Variants in VPS37A observed in about 807,000 individuals in gnomAD.
VPS37A encodes the protein vacuolar protein sorting-associated protein 37A.
VPS37A carries 30 observed loss-of-function variants against 49.8 expected under a neutral mutation model. The observed-to-expected ratio is 0.60, with a 90% CI of 0.45 to 0.82. The LOEUF (loss-of-function observed/expected upper bound fraction) is 0.82. VPS37A is among the 40% of genes least tolerant of loss of function. The pLI, the probability that VPS37A is intolerant of heterozygous loss-of-function variation, is 0.00. For missense variants in VPS37A, 593 were observed against 464.4 expected (o/e 1.28, Z -2.55); for synonymous variants, 195 against 160.6 (o/e 1.21, Z -1.62).
At chr8:17,329,917 T>C in the VPS37A span, among the ~76,000 whole-genome samples, 1 of 152,136 alleles carries the variant, frequency 6.6e-6, no homozygotes, top group Non-Finnish European at 1.5e-5. Flanking sequence ...AAGATGGAAA[T>C]GGCTCTGGGG....
intron 6 of VPS37A, among the ~76,000 whole-genome samples, chr8:17,276,735 T>C (rs1231572617): frequency 6.6e-6 from 1 of 152,164 alleles, no homozygotes; most frequent in Non-Finnish European, 1.5e-5. Flanking sequence ...TCATGTGGCC[T>C]GCATTCTTTG....
downstream of VPS37A, among the ~76,000 whole-genome samples, chr8:17,307,038 T>A (rs988509462): frequency 6.6e-6 from 1 of 152,118 alleles, no homozygotes; most frequent in African/African-American, 2.4e-5. Flanking sequence ...AATTGACAGA[T>A]GGGATCTAAT....
chr8:17,309,022 A>G, the VPS37A span, among the ~76,000 whole-genome samples: 1 of 152,226 alleles, frequency 6.6e-6, no homozygotes, highest in South Asian at 2.1e-4. Context: ...GCTGATCCTC[A>G]CTAAGACAAT....
At chr8:17,307,407 A>C (rs539009990), downstream of VPS37A, among the ~76,000 whole-genome samples, 6 of 151,950 alleles carry the variant, frequency 3.9e-5, no homozygotes, top group African/African-American at 4.8e-5. Flanking sequence ...AGAGGATGTG[A>C]AGAAATAGGA....
downstream of VPS37A, among the ~76,000 whole-genome samples, chr8:17,300,541 T>C (rs756399967): frequency 1.3e-5 from 2 of 152,206 alleles, no homozygotes; most frequent in Non-Finnish European, 2.9e-5. Context: ...ATGAGTCTCA[T>C]CCCATGAACT....
intron 1 of VPS37A, among the ~76,000 whole-genome samples, chr8:17,265,604 T>C (rs1332402484): frequency 6.6e-6 from 1 of 152,212 alleles, no homozygotes; most frequent in Non-Finnish European, 1.5e-5. Context: ...CAATTGCTTC[T>C]GCTAATGGTA....
intron 1 of VPS37A, among the ~76,000 whole-genome samples, chr8:17,251,377 C>T (rs1210040488): frequency 1.4e-4 from 21 of 152,190 alleles, no homozygotes; most frequent in Admixed American, 1.4e-3. Flanking sequence ...AATTGTGATT[C>T]CTGTCATGCA....
the VPS37A span, chr8:17,313,515 G>T: frequency 1.3e-5 from 8 of 625,344 alleles, no homozygotes; most frequent in African/African-American, 1.9e-5. Flanking sequence ...GGTATTTTCT[G>T]GAAGCAAGCC....
intron 9 of VPS37A, among the ~76,000 whole-genome samples, chr8:17,283,163 C>T (rs1815249166): frequency 1.3e-5 from 2 of 151,800 alleles, no homozygotes; most frequent in Non-Finnish European, 2.9e-5. Context: ...CATGCATTAG[C>T]ATGGCCATTA....
chr8:17,323,329 C>A, the VPS37A span, among the ~76,000 whole-genome samples: 1 of 152,108 alleles, frequency 6.6e-6, no homozygotes, highest in East Asian at 1.9e-4. Context: ...AAATCTACAT[C>A]CCTTGACTCC....
At chr8:17,279,318 G>C (rs933663228) in intron 6 of VPS37A, among the ~76,000 whole-genome samples, 4 of 152,030 alleles carry the variant, frequency 2.6e-5, no homozygotes, top group African/African-American at 9.7e-5. Context: ...AAGCTGACTA[G>C]AGGAAAAAGC....
chr8:17,267,298 A>C (rs926439206), intron 2 of VPS37A, among the ~76,000 whole-genome samples: 1 of 152,208 alleles, frequency 6.6e-6, no homozygotes, highest in Non-Finnish European at 1.5e-5. Flanking sequence ...AGTATGACCA[A>C]CAAATAGTTG....
chr8:17,328,828 T>C, the VPS37A span, among the ~76,000 whole-genome samples: 3 of 152,178 alleles, frequency 2.0e-5, no homozygotes, highest in Admixed American at 1.3e-4. Context: ...AATAACAAAA[T>C]TGCTTGCTAT....
intron 4 of VPS37A, 67 bp downstream of exon 4, chr8:17,269,023 A>G: frequency 1.8e-6 from 2 of 1,137,292 alleles, no homozygotes; most frequent in South Asian, 3.0e-5. Context: ...AATATAGTTT[A>G]AAAATTCAAA....
At chr8:17,314,605 A>G in the VPS37A span, among the ~76,000 whole-genome samples, 6 of 152,246 alleles carry the variant, frequency 3.9e-5, no homozygotes, top group Non-Finnish European at 8.8e-5. Flanking sequence ...TTCCTGCAGC[A>G]TAAAAGCCAC....
At chr8:17,251,552 C>A (rs1180876958) in intron 1 of VPS37A, among the ~76,000 whole-genome samples, 1 of 152,168 alleles carries the variant, frequency 6.6e-6, no homozygotes, top group Non-Finnish European at 1.5e-5. Flanking sequence ...GTTTGTAGAT[C>A]TCTCATAAGC....
At chr8:17,309,352 T>A in the VPS37A span, 1 of 1,503,938 alleles carries the variant, frequency 6.6e-7, no homozygotes, top group Non-Finnish European at 9.2e-7. Flanking sequence ...TACAAATATC[T>A]TGGAGAGAAG....
the VPS37A span, chr8:17,331,407 T>A: frequency 2.0e-6 from 2 of 988,744 alleles, no homozygotes; most frequent in Non-Finnish European, 2.9e-6. Context: ...ATAATACGCT[T>A]ATTTGAATCA....
intron 10 of VPS37A, among the ~76,000 whole-genome samples, chr8:17,286,073 G>C (rs903957199): frequency 6.6e-6 from 1 of 152,246 alleles, no homozygotes; most frequent in Non-Finnish European, 1.5e-5. Flanking sequence ...AGCATGAGAG[G>C]TTCCCTAAAA....
Sources: allele counts gnomAD v4.1 joint callset (sites outside exome capture counted in the v4.1 genomes callset), GRCh38; gene constraint gnomAD v4.1.1; transcripts MANE v1.5; gene names NCBI Gene and HGNC (gene_info 2026-07-23, HGNC 2026-07-21).